The following PTCHD1 variants were observed in gnomAD, a reference collection of about 807,000 sequenced individuals.
The protein encoded by PTCHD1 is patched domain containing 1.
In PTCHD1, 3 loss-of-function variants were observed where a neutral mutation model predicts 34.6. The ratio of observed to expected loss-of-function variants is 0.09; its 90% CI spans 0.04 to 0.22. The LOEUF (loss-of-function observed/expected upper bound fraction) is 0.22. Ranked by LOEUF, PTCHD1 falls within the 10% of genes least tolerant of loss-of-function variation. The probability of loss-of-function intolerance (pLI) is 1.00; values close to 1 mark genes in which losing one functional copy is unlikely to be tolerated. For synonymous variants in PTCHD1, 305 were observed against 283.1 expected, an observed-to-expected ratio of 1.08 and a Z score of -0.77; for missense variants, 504 against 685.5, an observed-to-expected ratio of 0.74 and a Z score of 2.96.
At chrX:23,353,873 G>A (rs977138819) in intron 1 of PTCHD1, among the ~76,000 whole-genome samples, 8 of 112,075 alleles carry the variant, frequency 7.1e-5, no homozygotes, top group Non-Finnish European at 1.1e-4. Context: ...AACCAAATCA[G>A]GAGCAATGGA....
chrX:23,359,405 T>A (rs947184737), intron 1 of PTCHD1, among the ~76,000 whole-genome samples: 6 of 111,869 alleles, frequency 5.4e-5, no homozygotes, highest in South Asian at 3.8e-4. Flanking sequence ...ATTCTCTTTG[T>A]AGCGATTGTG....
At chrX:23,383,989 A>T (rs1396920423) in intron 2 of PTCHD1, among the ~76,000 whole-genome samples, 1 of 112,397 alleles carries the variant, frequency 8.9e-6, no homozygotes, top group Non-Finnish European at 1.9e-5. Context: ...TATGATTTTT[A>T]AAATTAGCAT....
chrX:23,349,810 G>A (rs1295798259), intron 1 of PTCHD1, among the ~76,000 whole-genome samples: 1 of 110,082 alleles, frequency 9.1e-6, no homozygotes, highest in East Asian at 2.8e-4. Flanking sequence ...CAGAGTAAGG[G>A]ACAGCATGTC....
At chrX:23,353,266 T>G (rs1203451904) in intron 1 of PTCHD1, among the ~76,000 whole-genome samples, 3 of 112,526 alleles carry the variant, frequency 2.7e-5, no homozygotes, top group South Asian at 7.3e-4. Flanking sequence ...TTGCGACTTC[T>G]CATGAGTCTT....
chrX:23,336,021 G>C (rs914923969), intron 1 of PTCHD1, among the ~76,000 whole-genome samples: 1 of 111,737 alleles, frequency 8.9e-6, no homozygotes, highest in African/African-American at 3.3e-5. Flanking sequence ...AGCCCGAAGG[G>C]TGAGAACAGA....
chrX:23,387,820 G>A (rs1174993024), intron 2 of PTCHD1, among the ~76,000 whole-genome samples: 1 of 112,004 alleles, frequency 8.9e-6, no homozygotes, highest in African/African-American at 3.2e-5. Context: ...CAGACATGCA[G>A]GGTAACAAAA....
chrX:23,390,660 G>A (rs1922806319), intron 2 of PTCHD1, among the ~76,000 whole-genome samples: 1 of 111,833 alleles, frequency 8.9e-6, no homozygotes, highest in Non-Finnish European at 1.9e-5. Context: ...GCTGTAAAAC[G>A]ATGCCTAGTC....
chrX:23,370,565 T>A (rs1344407044), intron 1 of PTCHD1, among the ~76,000 whole-genome samples: 1 of 111,775 alleles, frequency 8.9e-6, no homozygotes, highest in Non-Finnish European at 1.9e-5. Context: ...GTACTCATCC[T>A]TGGTAAGGCT....
chrX:23,361,535 A>G (rs192691446), intron 1 of PTCHD1, among the ~76,000 whole-genome samples: 2,690 of 111,194 alleles, frequency 0.024, 75 homozygotes, highest in African/African-American at 0.082. Context: ...TTTTGAGCCT[A>G]TGTGTGTCTC....
rs112659628 is a variant in PTCHD1, at chrX:23,374,380, T to G, written c.352-5211T>G. On this transcript the variant is annotated intron_variant, in intron 1 of 2. Coordinates refer to ENST00000379361, the MANE Select transcript of PTCHD1 (RefSeq NM_173495.3). ...GTATTTTTCCTGTGTTAATCACCAC[T>G]CAGGAGCAGATACATCCTTCCTCCC... 7.1e-3 allele frequency among the ~76,000 whole-genome samples: 739 copies of G among 103,829 alleles called. 5 individuals carry two copies. Among genetic ancestry groups the G allele is most frequent in the African/African-American group, 0.023 (672 of 28,725 alleles). 90.2% of individuals were successfully genotyped at this position (103,829 alleles called of 115,157 possible).
At chrX:23,345,572 A>T (rs1394133383) in intron 1 of PTCHD1, among the ~76,000 whole-genome samples, 1 of 112,127 alleles carries the variant, frequency 8.9e-6, no homozygotes, top group African/African-American at 3.2e-5. Flanking sequence ...AACTTGTTCG[A>T]AACAGATTGT....
At chrX:23,335,422 T>G (rs1396899594) in intron 1 of PTCHD1, among the ~76,000 whole-genome samples, 196 bp downstream of exon 1, 2 of 112,593 alleles carry the variant, frequency 1.8e-5, no homozygotes, top group Non-Finnish European at 3.8e-5. Context: ...GGGGTCCGGG[T>G]CCGGCCCTGC....
upstream of PTCHD1, chrX:23,334,750 TCGC>T: frequency 7.8e-6 from 1 of 128,754 alleles, no homozygotes; most frequent in Non-Finnish European, 1.4e-5. Flanking sequence ...GCTCAGGGTC[TCGC>T]CGCCGCCGCC....
chrX:23,380,399 G>C, intron 2 of PTCHD1, 148 bp downstream of exon 2: 1 of 575,977 alleles, frequency 1.7e-6, no homozygotes, highest in East Asian at 3.5e-5. Flanking sequence ...TCTATAAAGT[G>C]CTGGTAATCA....
chrX:23,393,147 T>G lies in PTCHD1; in HGVS notation c.1629T>G (p.Thr543=). 8.3e-7 allele frequency: 1 copy of G among 1,211,860 alleles called. No homozygotes were observed. The highest frequency in any genetic ancestry group is 1.1e-6 in the Non-Finnish European group (1 of 895,409). ...ATATQTIEYT[T]AQQKYFSNYS... ...CGACACAAACCATTGAGTACACTAC[T>G]GCCCAGCAAAAGTACTTCAGCAACT... The change falls in exon 3 of 3, where the codon ACT becomes ACG. Residue 543 remains threonine (T), a synonymous_variant. Coordinates refer to ENST00000379361, the MANE Select transcript of PTCHD1 (RefSeq NM_173495.3).
chrX:23,376,094 A>AT (rs1039788036), intron 1 of PTCHD1, among the ~76,000 whole-genome samples: 3 of 111,702 alleles, frequency 2.7e-5, no homozygotes, highest in Admixed American at 9.5e-5. Flanking sequence ...ATCTCATGAG[A>AT]TTTTTTCCAC....
chrX:23,347,208 G>A (rs1328593898), intron 1 of PTCHD1, among the ~76,000 whole-genome samples: 1 of 111,942 alleles, frequency 8.9e-6, no homozygotes, highest in African/African-American at 3.3e-5. Context: ...GCCAGGGAAG[G>A]GAATAGAAGA....
Position 23,379,581 on chromosome X carries a change from T to C in PTCHD1, c.352-10T>C, listed in dbSNP as rs753030564. 31 of 1,208,134 alleles carry C rather than the reference T, an allele frequency of 2.6e-5. No individual in the cohort carries two copies. The highest frequency in any genetic ancestry group is 3.5e-5 in the African/African-American group (2 of 57,096). On this transcript the variant is annotated splice_polypyrimidine_tract_variant and intron_variant, in intron 1 of 2. Transcript: ENST00000379361. ...TGATTAATAAATGCTGTCATTTTTT[T>C]CCCCCACAGTTGCATGCTGCTGTCA...
chrX:23,357,549 T>C (rs1378479654), intron 1 of PTCHD1, among the ~76,000 whole-genome samples: 1 of 111,199 alleles, frequency 9.0e-6, no homozygotes, highest in East Asian at 2.8e-4. Context: ...TGGGGCTGGC[T>C]CCTACTGACT....
Sources: allele counts gnomAD v4.1 joint callset (sites outside exome capture counted in the v4.1 genomes callset), GRCh38; gene constraint gnomAD v4.1.1; transcripts MANE v1.5; gene names NCBI Gene and HGNC (gene_info 2026-07-23, HGNC 2026-07-21).